MYO3A: variants seen among roughly 807,000 people sequenced by gnomAD.
MYO3A encodes myosin IIIA.
A neutral mutation model predicts 192.7 loss-of-function variants in MYO3A; 180 were observed. The observed-to-expected ratio is 0.93, with a 90% confidence interval of 0.83 to 1.06. The LOEUF is 1.06. Among genes scored for constraint, MYO3A ranks in the 50% least tolerant of loss-of-function variants. The probability of loss-of-function intolerance (pLI) is 0.00; values close to 1 mark genes in which losing one functional copy is unlikely to be tolerated. For missense variants in MYO3A, 1,896 were observed against 1,905.0 expected, an observed-to-expected ratio of 1.00 and a Z score of 0.09; for synonymous variants, 628 against 645.3, an observed-to-expected ratio of 0.97 and a Z score of 0.41.
chr10:26,066,488 T>C (rs1834854937), intron 10 of MYO3A, among the ~76,000 whole-genome samples: 1 of 152,240 alleles, frequency 6.6e-6, no homozygotes, highest in East Asian at 1.9e-4. Context: ...AACTTTTTGG[T>C]ACATGAAATC....
intron 2 of MYO3A, among the ~76,000 whole-genome samples, chr10:25,945,358 C>T (rs1345248972): frequency 6.6e-6 from 1 of 152,072 alleles, no homozygotes; most frequent in Non-Finnish European, 1.5e-5. Context: ...TTGGGTGCAG[C>T]ATTCTGTATA....
At chr10:26,011,561 T>C (rs1456093284) in intron 6 of MYO3A, among the ~76,000 whole-genome samples, 2 of 152,154 alleles carry the variant, frequency 1.3e-5, no homozygotes, top group Non-Finnish European at 2.9e-5. Flanking sequence ...CCCTCCTAGA[T>C]TGAATCAGGA....
chr10:25,989,566 T>G (rs1028883726), intron 4 of MYO3A, among the ~76,000 whole-genome samples: 2 of 152,158 alleles, frequency 1.3e-5, no homozygotes, highest in Non-Finnish European at 2.9e-5. Flanking sequence ...ATGTTTAACA[T>G]GAAGATGATA....
chr10:26,183,068 C>T (rs1398672397), intron 31 of MYO3A, among the ~76,000 whole-genome samples: 1 of 152,048 alleles, frequency 6.6e-6, no homozygotes, highest in Non-Finnish European at 1.5e-5. Context: ...AGTGGAGTGC[C>T]AAGATGTAGC....
intron 34 of MYO3A, among the ~76,000 whole-genome samples, 191 bp downstream of exon 34, chr10:26,203,298 TCCTAGCAAAAAC>T (rs1843760671): frequency 6.6e-6 from 1 of 152,206 alleles, no homozygotes; most frequent in Admixed American, 6.5e-5. Flanking sequence ...ACCTCAGTTT[TCCTAGCAAAAAC>T]TGAGTTTTTA....
At chr10:25,969,991 A>G (rs1838517224) in intron 4 of MYO3A, among the ~76,000 whole-genome samples, 1 of 152,164 alleles carries the variant, frequency 6.6e-6, no homozygotes, top group Admixed American at 6.5e-5. Flanking sequence ...AAAAAGTTCA[A>G]TTCATCAAGA....
At chr10:26,102,617 A>G (rs750742495) in intron 17 of MYO3A, among the ~76,000 whole-genome samples, 1 of 152,166 alleles carries the variant, frequency 6.6e-6, no homozygotes, top group Non-Finnish European at 1.5e-5. Flanking sequence ...CTTTCCTTCT[A>G]ACAGTCAGGA....
intron 31 of MYO3A, among the ~76,000 whole-genome samples, chr10:26,191,983 GC>G (rs1402451103): frequency 6.6e-6 from 1 of 152,182 alleles, no homozygotes; most frequent in African/African-American, 2.4e-5. Flanking sequence ...ATTGAATGAA[GC>G]TTTCCAATAA....
intron 19 of MYO3A, among the ~76,000 whole-genome samples, chr10:26,127,770 AG>A (rs1364135464): frequency 1.3e-5 from 2 of 149,586 alleles, no homozygotes; most frequent in East Asian, 3.9e-4. Context: ...AAAAAAAAAA[AG>A]TATTTGAAAT....
At chr10:25,995,695 T>C (rs1028176525) in intron 4 of MYO3A, among the ~76,000 whole-genome samples, 1 of 152,256 alleles carries the variant, frequency 6.6e-6, no homozygotes, top group Non-Finnish European at 1.5e-5. Flanking sequence ...TGGATGTCCT[T>C]TCTGTTTGTT....
chr10:26,051,211 G>A (rs1048052052), intron 10 of MYO3A, among the ~76,000 whole-genome samples: 3 of 152,036 alleles, frequency 2.0e-5, no homozygotes, highest in South Asian at 2.1e-4. Flanking sequence ...TAAACATCAC[G>A]TAATATTCTT....
In MYO3A at chr10:26,067,043, A is replaced by C; in HGVS notation, c.1022A>C (p.Asp341Ala). The change falls in exon 11 of 35, where the codon GAT becomes GCT. Residue 341 changes from aspartate to alanine, a missense_variant. Coordinates refer to ENST00000642920, the MANE Select transcript of MYO3A (RefSeq NM_017433.5). ...CTAATATCCAATCTGAAGGATGTAG[A>C]TGATTTAGCAACCCTAGAAATTTTG... Reference protein sequence around the residue: ...RPLISNLKDVDDLATLEILDE... With the variant: ...RPLISNLKDVADLATLEILDE... The C allele has an allele frequency of 6.2e-7, 1 of 1,612,570 alleles. No homozygotes were observed. Among genetic ancestry groups the C allele is most frequent in the Non-Finnish European group, 8.5e-7 (1 of 1,178,614 alleles).
chr10:26,196,108 T>A (rs1843395265), intron 32 of MYO3A, among the ~76,000 whole-genome samples: 1 of 152,228 alleles, frequency 6.6e-6, no homozygotes, highest in Admixed American at 6.5e-5. Flanking sequence ...TCTCAAATAA[T>A]TTAAAAAGCA....
intron 18 of MYO3A, among the ~76,000 whole-genome samples, chr10:26,124,697 A>G (rs918620532): frequency 6.6e-5 from 10 of 152,250 alleles, no homozygotes; most frequent in Non-Finnish European, 1.5e-4. Context: ...GTTTTGGTTA[A>G]AGATGTTTAT....
chr10:26,061,316 G>A (rs1216247550), intron 10 of MYO3A, among the ~76,000 whole-genome samples: 2 of 152,128 alleles, frequency 1.3e-5, no homozygotes, highest in Non-Finnish European at 2.9e-5. Context: ...AGGTATAGCA[G>A]GAACAATGAA....
chr10:26,185,154 T>G (rs1355022151), intron 31 of MYO3A, among the ~76,000 whole-genome samples: 1 of 152,158 alleles, frequency 6.6e-6, no homozygotes, highest in African/African-American at 2.4e-5. Flanking sequence ...TAGTCAGCCC[T>G]CTGGCTTTAG....
At chr10:26,080,563 A>ATTTTTTTTTTT (rs1835856285) in intron 14 of MYO3A, among the ~76,000 whole-genome samples, 1 of 67,362 alleles carries the variant, frequency 1.5e-5, no homozygotes, top group African/African-American at 6.2e-5. Flanking sequence ...GTTCAGATCC[A>ATTTTTTTTTTT]TTGCTGGTGA....
At chr10:26,113,487 A>AC (rs1554827075) in intron 17 of MYO3A, among the ~76,000 whole-genome samples, 1 of 150,562 alleles carries the variant, frequency 6.6e-6, no homozygotes, top group Non-Finnish European at 1.5e-5. Context: ...AAAAAAAAAA[A>AC]CAAAAAAAAA....
rs183577181 is a variant in MYO3A, at chr10:26,037,950, A to G, written c.953+11418A>G. Among the ~76,000 whole-genome samples the G allele has an allele frequency of 5.6e-4, 85 of 152,292 alleles. 1 individual carries two copies. Among genetic ancestry groups the G allele is most frequent in the Non-Finnish European group, 1.0e-3 (70 of 68,034 alleles). The stretch of plus-strand genomic sequence containing the variant: ...CCAACATTAGGAATTATAATTCAAC[A>G]TGAGATTTGGGTCGGGGCACAGAGC... On this transcript the variant is annotated intron_variant, in intron 10 of 34. Coordinates refer to ENST00000642920, the MANE Select transcript of MYO3A (RefSeq NM_017433.5).
Sources: gnomAD v4.1 joint callset for allele counts (sites outside exome capture counted in the v4.1 genomes callset) on GRCh38, gnomAD v4.1.1 for gene constraint, MANE v1.5 for transcripts, NCBI Gene and HGNC (gene_info 2026-07-23, HGNC 2026-07-21) for gene names.